CHRM2: variants seen among roughly 807,000 people sequenced by gnomAD.
CHRM2 encodes the protein muscarinic acetylcholine receptor M2.
CHRM2 carries 8 observed loss-of-function variants against 25.0 expected under a neutral mutation model. That is an observed-to-expected ratio of 0.32 (90% confidence interval 0.19 to 0.58). The LOEUF (loss-of-function observed/expected upper bound fraction) is 0.58, where lower values mean the gene tolerates loss of function less well. Among genes scored for constraint, CHRM2 ranks in the 20% least tolerant of loss-of-function variants. CHRM2 has a pLI of 0.88. For missense variants in CHRM2, 440 were observed against 567.1 expected, an observed-to-expected ratio of 0.78 and a Z score of 2.28; for synonymous variants, 202 against 205.7, an observed-to-expected ratio of 0.98 and a Z score of 0.15.
chr7:136,871,639 A>C (rs547598439), intron 2 of CHRM2: 6 of 152,450 alleles, frequency 3.9e-5, no homozygotes, highest in Admixed American at 2.0e-4. Flanking sequence ...AGATGATGGT[A>C]TTTTTAAACA....
At chr7:136,934,755 A>T (rs972241693) in intron 2 of CHRM2, among the ~76,000 whole-genome samples, 3 of 141,332 alleles carry the variant, frequency 2.1e-5, no homozygotes, top group African/African-American at 7.3e-5. Context: ...ACCAAATACA[A>T]TCTCCAGAAA....
intron 2 of CHRM2, among the ~76,000 whole-genome samples, chr7:136,895,453 T>C (rs945090451): frequency 6.6e-6 from 1 of 152,216 alleles, no homozygotes; most frequent in Non-Finnish European, 1.5e-5. Context: ...CCAGAAGTTA[T>C]ATTTAACAGG....
chr7:136,988,219 A>G (rs2131005678), intron 2 of CHRM2, among the ~76,000 whole-genome samples: 1 of 152,104 alleles, frequency 6.6e-6, no homozygotes, highest in South Asian at 2.1e-4. Flanking sequence ...TTCATTAAAA[A>G]GGAAAAGAAA....
At chr7:136,918,258 C>T (rs1265122781) in intron 2 of CHRM2, among the ~76,000 whole-genome samples, 3 of 152,084 alleles carry the variant, frequency 2.0e-5, no homozygotes, top group Admixed American at 6.6e-5. Flanking sequence ...TTAAAAGAGA[C>T]AGAAAGTTGA....
At chr7:136,961,637 G>A (rs1389278820) in intron 2 of CHRM2, among the ~76,000 whole-genome samples, 1 of 152,032 alleles carries the variant, frequency 6.6e-6, no homozygotes, top group African/African-American at 2.4e-5. Flanking sequence ...AATTGTTGGT[G>A]TAGATATTTA....
chr7:137,009,447 C>A (rs899538213), intron 3 of CHRM2, among the ~76,000 whole-genome samples: 3 of 152,056 alleles, frequency 2.0e-5, no homozygotes, highest in Non-Finnish European at 2.9e-5. Flanking sequence ...CAGAACCCTA[C>A]TTACTGACTC....
At chr7:136,985,517 A>C (rs1053165115) in intron 2 of CHRM2, among the ~76,000 whole-genome samples, 3 of 151,546 alleles carry the variant, frequency 2.0e-5, no homozygotes, top group Admixed American at 6.6e-5. Flanking sequence ...AAAAAAAAAA[A>C]AAAAAAAAAA....
intron 2 of CHRM2, among the ~76,000 whole-genome samples, chr7:136,979,247 C>A (rs1378712284): frequency 2.0e-5 from 3 of 152,154 alleles, no homozygotes; most frequent in East Asian, 3.9e-4. Context: ...TAAGTGTCTT[C>A]TTTTGAAAAG....
At chr7:136,902,271 C>A (rs959403241) in intron 2 of CHRM2, 5 of 151,922 alleles carry the variant, frequency 3.3e-5, no homozygotes, top group Non-Finnish European at 5.9e-5. Context: ...ACCTAGCTAT[C>A]CTTCTATGTT....
intron 2 of CHRM2, among the ~76,000 whole-genome samples, chr7:136,933,901 T>C (rs1369470032): frequency 2.0e-5 from 3 of 152,064 alleles, no homozygotes; most frequent in African/African-American, 7.2e-5. Flanking sequence ...TTGAGTAGGG[T>C]TTGTGAGTTT....
chr7:136,868,750 A>G lies in CHRM2; in HGVS notation c.-525A>G, dbSNP rs945485560. The stretch of plus-strand genomic sequence containing the variant: ...AGACCTAGGGAGCGCGCGCGGGCAC[A>G]CACACACACACACACACACACACAG... On this transcript the variant is annotated 5_prime_UTR_variant, in exon 1 of 4. Transcript: ENST00000680005. 18 of 96,504 alleles carry G rather than the reference A, an allele frequency of 1.9e-4. No homozygotes were observed. Among genetic ancestry groups the G allele is most frequent in the Admixed American group, 1.2e-3 (13 of 10,878 alleles). The allele number at this position is 96,504 out of a possible 1,614,324, so 6.0% of individuals were successfully genotyped here. A position where few individuals can be genotyped will look rare whatever the true frequency, so the allele number is the denominator to read the frequency against.
At chr7:136,873,773 T>C (rs1036958737) in intron 2 of CHRM2, among the ~76,000 whole-genome samples, 3 of 151,996 alleles carry the variant, frequency 2.0e-5, no homozygotes, top group Non-Finnish European at 4.4e-5. Context: ...GTTCTCCCCA[T>C]CTGTTAATAC....
intron 2 of CHRM2, among the ~76,000 whole-genome samples, chr7:136,927,149 TA>T (rs1798794786): frequency 6.6e-6 from 1 of 152,240 alleles, no homozygotes; most frequent in South Asian, 2.1e-4. Context: ...GCAAAGCTCT[TA>T]AAACAGCACC....
At chr7:136,983,375 A>G (rs1038236613) in intron 2 of CHRM2, among the ~76,000 whole-genome samples, 1 of 152,270 alleles carries the variant, frequency 6.6e-6, no homozygotes, top group Non-Finnish European at 1.5e-5. Flanking sequence ...TGGGGTTAGA[A>G]CATGCTCCTT....
chr7:136,950,306 G>A (rs1262876095), intron 2 of CHRM2, among the ~76,000 whole-genome samples: 1 of 152,122 alleles, frequency 6.6e-6, no homozygotes, highest in East Asian at 1.9e-4. Flanking sequence ...GAGGCAAAAG[G>A]TCCCTGTAGG....
At chr7:136,962,692 T>G (rs1207443477) in intron 2 of CHRM2, among the ~76,000 whole-genome samples, 1 of 152,200 alleles carries the variant, frequency 6.6e-6, no homozygotes, top group Non-Finnish European at 1.5e-5. Flanking sequence ...ACTTGCAAGA[T>G]AAGTTTCACC....
chr7:136,988,215 A>T lies in CHRM2; in HGVS notation c.-124-3972A>T, dbSNP rs1802985238. ...TAATTAGTCCCAGTGGTTCTTCATT[A>T]AAAAGGAAAAGAAAAGAAAGGGAAG... On this transcript the variant is annotated intron_variant, in intron 2 of 3. Coordinates refer to ENST00000680005, the MANE Select transcript of CHRM2 (RefSeq NM_001006630.2). Among the ~76,000 whole-genome samples, 4 of 151,958 alleles carry T rather than the reference A, an allele frequency of 2.6e-5. No homozygotes were observed. The South Asian group carries it at 8.3e-4, about 31-fold the overall frequency.
intron 2 of CHRM2, among the ~76,000 whole-genome samples, chr7:136,939,005 C>G (rs1225710879): frequency 7.7e-6 from 1 of 129,722 alleles, no homozygotes; most frequent in Non-Finnish European, 1.6e-5. Context: ...AATTCCAATT[C>G]TAAGAGGCAG....
chr7:136,946,226 TATC>T (rs1800063907), intron 2 of CHRM2, among the ~76,000 whole-genome samples: 1 of 152,214 alleles, frequency 6.6e-6, no homozygotes, highest in Non-Finnish European at 1.5e-5. Flanking sequence ...TTGAATATAT[TATC>T]AGAAATTCTA....
Sources: gnomAD v4.1 joint callset for allele counts (sites outside exome capture counted in the v4.1 genomes callset) on GRCh38, gnomAD v4.1.1 for gene constraint, MANE v1.5 for transcripts, NCBI Gene and HGNC (gene_info 2026-07-23, HGNC 2026-07-21) for gene names.